The following ITGAV variants were observed in gnomAD, a reference collection of about 807,000 sequenced individuals.
The protein encoded by ITGAV is integrin alpha-V.
In ITGAV, 76 loss-of-function variants were observed where a neutral mutation model predicts 143.8. The observed-to-expected ratio is 0.53, with a 90% CI of 0.44 to 0.64. The LOEUF is 0.64. Among genes scored for constraint, ITGAV ranks in the 30% least tolerant of loss-of-function variants. ITGAV has a pLI of 0.00. For synonymous variants in ITGAV, 453 were observed against 446.7 expected (o/e 1.01, Z -0.18); for missense variants, 1,193 against 1,274.7 (o/e 0.94, Z 0.98).
At chr2:186,629,690 G>A (rs549608239) in intron 4 of ITGAV, among the ~76,000 whole-genome samples, 2 of 152,156 alleles carry the variant, frequency 1.3e-5, no homozygotes, top group East Asian at 3.9e-4. Flanking sequence ...GTTCTTAGAA[G>A]TTTGTCCTTG....
chr2:186,643,504 ATTAG>A (rs1407093884), intron 12 of ITGAV, among the ~76,000 whole-genome samples: 3 of 152,188 alleles, frequency 2.0e-5, no homozygotes, highest in Admixed American at 6.5e-5. Flanking sequence ...TATATGTTCT[ATTAG>A]TTATGTTAGA....
At chr2:186,622,579 T>A (rs1687560741) in intron 3 of ITGAV, 149 bp downstream of exon 3, 1 of 604,160 alleles carries the variant, frequency 1.7e-6, no homozygotes, top group Non-Finnish European at 3.0e-6. Context: ...CAAAGGCCAC[T>A]CTGTCCAAGG....
At chr2:186,669,136 G>T (rs1213535654) in intron 25 of ITGAV, among the ~76,000 whole-genome samples, 1 of 152,204 alleles carries the variant, frequency 6.6e-6, no homozygotes. Flanking sequence ...TCTTCATAGA[G>T]TGCTTACTGA....
At chr2:186,599,171 G>GAT (rs1280185573) in intron 1 of ITGAV, among the ~76,000 whole-genome samples, 3 of 152,190 alleles carry the variant, frequency 2.0e-5, no homozygotes, top group Non-Finnish European at 2.9e-5. Context: ...TGATTATGGT[G>GAT]ATAGCATTTT....
At chr2:186,642,647 A>G (rs1291815751) in intron 12 of ITGAV, among the ~76,000 whole-genome samples, 1 of 147,954 alleles carries the variant, frequency 6.8e-6, no homozygotes, top group Non-Finnish European at 1.5e-5. Context: ...AGATCCTCCC[A>G]CTTCAGCCTC....
chr2:186,640,527 A>G (rs977048389), intron 10 of ITGAV, among the ~76,000 whole-genome samples: 4 of 152,202 alleles, frequency 2.6e-5, no homozygotes, highest in Non-Finnish European at 5.9e-5. Context: ...CAATCACAAC[A>G]TTTGTCTGTG....
chr2:186,675,976 C>A, intron 28 of ITGAV, 49 bp downstream of exon 28: 2 of 986,044 alleles, frequency 2.0e-6, no homozygotes, highest in Non-Finnish European at 3.2e-6. Context: ...AATTCAAATG[C>A]TGTACATGTT....
chr2:186,603,115 G>C (rs943135603), intron 2 of ITGAV, among the ~76,000 whole-genome samples: 1 of 152,068 alleles, frequency 6.6e-6, no homozygotes, highest in Non-Finnish European at 1.5e-5. Context: ...AATTCTGTAC[G>C]CATTTATATT....
rs527242553 is a variant in ITGAV, at chr2:186,662,494, T to A, written c.1858-1274T>A. On this transcript the variant is annotated intron_variant, in intron 18 of 29. Coordinates refer to ENST00000261023, the MANE Select transcript of ITGAV (RefSeq NM_002210.5). ...CTGATTTTTAAATTTTATTTAATTT[T>A]AATTAATTTAACGTTAAAAGCTGAT... 2.0e-3 allele frequency among the ~76,000 whole-genome samples: 306 copies of A among 152,296 alleles called. 1 individual carries two copies. Among genetic ancestry groups the A allele is most frequent in the African/African-American group, 7.0e-3 (290 of 41,564 alleles).
chr2:186,601,888 C>A, intron 1 of ITGAV, 133 bp from the exon 2 acceptor site: 1 of 771,788 alleles, frequency 1.3e-6, no homozygotes, highest in Non-Finnish European at 2.0e-6. Context: ...AAGATTATGC[C>A]CTCAGTGAAT....
At chr2:186,625,687 G>GAA in intron 4 of ITGAV, 100 bp downstream of exon 4, 1 of 552,832 alleles carries the variant, frequency 1.8e-6, no homozygotes, top group Non-Finnish European at 3.2e-6. Flanking sequence ...GTGAGAGAGA[G>GAA]AGATATTAAA....
intron 21 of ITGAV, 80 bp downstream of exon 21, chr2:186,665,298 A>T (rs761884940): frequency 2.1e-4 from 183 of 860,256 alleles, no homozygotes; most frequent in Non-Finnish European, 2.8e-4. Flanking sequence ...AGTAATTTTT[A>T]AAAATAAACA....
chr2:186,649,196 T>C (rs1334160487), intron 13 of ITGAV, among the ~76,000 whole-genome samples: 2 of 151,856 alleles, frequency 1.3e-5, no homozygotes, highest in Admixed American at 6.6e-5. Context: ...AACTCTTTTA[T>C]GTATTTTCTA....
chr2:186,628,952 G>T (rs1222425087), intron 4 of ITGAV, among the ~76,000 whole-genome samples: 1 of 151,926 alleles, frequency 6.6e-6, no homozygotes, highest in African/African-American at 2.4e-5. Flanking sequence ...ATTTCCCTAA[G>T]CATCAGTTTC....
chr2:186,645,455 A>T (rs1688228113), intron 12 of ITGAV, among the ~76,000 whole-genome samples: 1 of 151,938 alleles, frequency 6.6e-6, no homozygotes, highest in Non-Finnish European at 1.5e-5. Context: ...AGAGTAAATA[A>T]GGGTAAAAAA....
chr2:186,625,216 A>T (rs61763632), intron 3 of ITGAV, among the ~76,000 whole-genome samples: 8 of 152,130 alleles, frequency 5.3e-5, no homozygotes, highest in African/African-American at 1.7e-4. Flanking sequence ...CTATAAAAAA[A>T]TTTTTAAAAA....
intron 24 of ITGAV, 72 bp downstream of exon 24, chr2:186,667,848 A>C: frequency 1.5e-6 from 1 of 686,136 alleles, no homozygotes; most frequent in Non-Finnish European, 2.3e-6. Context: ...AAGCTACTTT[A>C]AAAAAAAAAT....
At chr2:186,597,949 T>G (rs1000742005) in intron 1 of ITGAV, among the ~76,000 whole-genome samples, 6 of 152,180 alleles carry the variant, frequency 3.9e-5, no homozygotes, top group Admixed American at 3.9e-4. Flanking sequence ...AGCTACTATT[T>G]GAAGACAACC....
chr2:186,675,615 T>C lies in ITGAV; in HGVS notation c.2718T>C (p.Val906=). 2.5e-6 allele frequency: 4 copies of C among 1,613,244 alleles called. No homozygotes were observed. Among genetic ancestry groups the C allele is most frequent in the African/African-American group, 1.3e-5 (1 of 75,054 alleles). Residue 906 remains valine, a synonymous_variant, in exon 27 of 30, where the codon GTT becomes GTC. Coordinates refer to ENST00000261023, the MANE Select transcript of ITGAV (RefSeq NM_002210.5). ...EGDIHTLGCG[V]AQCLKIVCQV... ...ATTTGTTTTGGCAGGGTTGTGGAGT[T>C]GCTCAGTGCTTGAAGATTGTCTGCC...
Sources: gnomAD v4.1 joint callset for allele counts (sites outside exome capture counted in the v4.1 genomes callset) on GRCh38, gnomAD v4.1.1 for gene constraint, MANE v1.5 for transcripts, NCBI Gene and HGNC (gene_info 2026-07-23, HGNC 2026-07-21) for gene names.